EXOC4: variants seen among roughly 807,000 people sequenced by gnomAD.
The protein encoded by EXOC4 is SEC8-like 1.
EXOC4 carries 71 observed loss-of-function variants against 107.2 expected under a neutral mutation model. That is an observed-to-expected ratio of 0.66 (90% CI 0.55 to 0.81). The LOEUF is 0.81. EXOC4 is among the 30% of genes least tolerant of loss of function. EXOC4 has a pLI of 0.00. For synonymous variants in EXOC4, 456 were observed against 441.2 expected (o/e 1.03, Z -0.42); for missense variants, 1,108 against 1,189.6 (o/e 0.93, Z 1.01).
intron 6 of EXOC4, among the ~76,000 whole-genome samples, chr7:133,360,216 T>A (rs1485944885): frequency 6.6e-6 from 1 of 152,212 alleles, no homozygotes; most frequent in East Asian, 1.9e-4. Context: ...TTTTATATTA[T>A]TTTTATTTGA....
intron 6 of EXOC4, among the ~76,000 whole-genome samples, chr7:133,361,189 C>T (rs1441913471): frequency 6.6e-6 from 1 of 152,180 alleles, no homozygotes; most frequent in African/African-American, 2.4e-5. Context: ...GGAAGGAAGG[C>T]GTTACTCAAA....
At chr7:133,654,723 G>A (rs1803245929) in intron 10 of EXOC4, among the ~76,000 whole-genome samples, 1 of 152,104 alleles carries the variant, frequency 6.6e-6, no homozygotes, top group Admixed American at 6.6e-5. Flanking sequence ...ATGGGGATGT[G>A]TTCTGAGAAA....
At chr7:133,662,387 A>G (rs1793713786) in intron 10 of EXOC4, among the ~76,000 whole-genome samples, 1 of 152,296 alleles carries the variant, frequency 6.6e-6, no homozygotes, top group Non-Finnish European at 1.5e-5. Context: ...GAGAGTTATT[A>G]AAAACTACAA....
At chr7:133,384,130 C>T in intron 7 of EXOC4, among the ~76,000 whole-genome samples, 1 of 152,136 alleles carries the variant, frequency 6.6e-6, no homozygotes, top group East Asian at 1.9e-4. Flanking sequence ...AGCAAATGCC[C>T]AAATCAGAGT....
At chr7:134,014,114 T>C (rs917449621) in intron 17 of EXOC4, among the ~76,000 whole-genome samples, 2 of 152,058 alleles carry the variant, frequency 1.3e-5, no homozygotes, top group African/African-American at 4.8e-5. Context: ...AGCCAAAAAG[T>C]ATAAACAGGT....
At chr7:133,607,447 T>TA (rs1801975391) in intron 9 of EXOC4, among the ~76,000 whole-genome samples, 1 of 152,296 alleles carries the variant, frequency 6.6e-6, no homozygotes, top group Non-Finnish European at 1.5e-5. Context: ...TCAGACAAGA[T>TA]AGTATTGGAA....
At chr7:133,704,924 T>A (rs1450388698) in intron 10 of EXOC4, among the ~76,000 whole-genome samples, 2 of 152,248 alleles carry the variant, frequency 1.3e-5, no homozygotes, top group South Asian at 2.1e-4. Context: ...TGAACAATTA[T>A]AACAATATGC....
intron 11 of EXOC4, among the ~76,000 whole-genome samples, chr7:133,888,286 T>C (rs10246164): frequency 0.62 from 94,087 of 152,112 alleles, 31,644 homozygotes; most frequent in African/African-American, 0.9. Context: ...TTAAGCATAA[T>C]AAAAATGCCT....
intron 7 of EXOC4, among the ~76,000 whole-genome samples, chr7:133,376,840 C>G (rs1006070597): frequency 1.3e-5 from 2 of 152,178 alleles, no homozygotes; most frequent in Admixed American, 6.5e-5. Context: ...AGATCTCATA[C>G]AGCAAAGCCC....
intron 12 of EXOC4, among the ~76,000 whole-genome samples, chr7:133,905,598 C>T (rs1171280454): frequency 6.6e-6 from 1 of 152,152 alleles, no homozygotes; most frequent in Non-Finnish European, 1.5e-5. Flanking sequence ...TCGGAAGTTT[C>T]TCTCTGTTCC....
chr7:133,331,455 T>A (rs919027096), intron 5 of EXOC4, among the ~76,000 whole-genome samples: 4 of 117,892 alleles, frequency 3.4e-5, no homozygotes, highest in African/African-American at 1.3e-4. Context: ...ATCTTCTTTC[T>A]TTTTTCTTTT....
At chr7:133,833,558 G>A (rs1797855669) in intron 11 of EXOC4, among the ~76,000 whole-genome samples, 1 of 152,098 alleles carries the variant, frequency 6.6e-6, no homozygotes. Flanking sequence ...GCACACTTTT[G>A]TTTGGTTGGT....
chr7:133,556,977 G>T (rs1372959830), intron 9 of EXOC4, among the ~76,000 whole-genome samples: 1 of 152,124 alleles, frequency 6.6e-6, no homozygotes, highest in Non-Finnish European at 1.5e-5. Flanking sequence ...GATATGAAAG[G>T]ATAAGTCAGA....
chr7:133,506,438 G>T (rs559204117), intron 9 of EXOC4, among the ~76,000 whole-genome samples: 3 of 152,216 alleles, frequency 2.0e-5, no homozygotes, highest in Admixed American at 2.0e-4. Flanking sequence ...AGAATTCTCA[G>T]TTCCCTCTTG....
chr7:133,861,544 TG>T (rs368613073), intron 11 of EXOC4, among the ~76,000 whole-genome samples: 10 of 151,234 alleles, frequency 6.6e-5, no homozygotes, highest in African/African-American at 2.5e-4. Flanking sequence ...TGTTTTGTTT[TG>T]TTTTTTTGTG....
rs1585221566 is a variant in EXOC4 at position 133,883,803 on chromosome 7, G to A, written c.1735-11796G>A. ...GATTTGGAAGAGAGCAGAGGTGGCA[G>A]TTCCTCAGGCACCAGCTCTTGGATG... On this transcript the variant is annotated intron_variant, in intron 11 of 17. Transcript: ENST00000253861. Among the ~76,000 whole-genome samples the A allele has an allele frequency of 5.9e-5, 9 of 152,310 alleles. No individual in the cohort carries two copies. The South Asian group carries it at 1.9e-3, about 32-fold the overall frequency.
intron 9 of EXOC4, among the ~76,000 whole-genome samples, chr7:133,516,548 A>G (rs527976271): frequency 1.3e-5 from 2 of 152,116 alleles, no homozygotes; most frequent in East Asian, 1.9e-4. Flanking sequence ...ATTCTGTTGT[A>G]TGGACATTTT....
At chr7:133,440,999 GAT>G (rs1491429724) in intron 7 of EXOC4, among the ~76,000 whole-genome samples, 128,860 of 151,634 alleles carry the variant, frequency 0.85, 55,094 homozygotes, top group East Asian at 0.95. Flanking sequence ...CCCTCTCTTG[GAT>G]GTGGATCAGG....
At chr7:133,600,581 A>G (rs550478233) in intron 9 of EXOC4, among the ~76,000 whole-genome samples, 44 of 152,318 alleles carry the variant, frequency 2.9e-4, no homozygotes, top group Admixed American at 1.2e-3. Flanking sequence ...TAATTAGAAA[A>G]TCATTCAGAA....
Sources: allele counts gnomAD v4.1 joint callset (sites outside exome capture counted in the v4.1 genomes callset), GRCh38; gene constraint gnomAD v4.1.1; transcripts MANE v1.5; gene names NCBI Gene and HGNC (gene_info 2026-07-23, HGNC 2026-07-21).